Variants in PRELID2 observed in about 807,000 individuals in gnomAD.
The protein encoded by PRELID2 is PRELI domain-containing protein 2.
Under a neutral mutation model 28.4 loss-of-function variants are expected in PRELID2, and 25 were observed. The ratio of observed to expected loss-of-function variants is 0.88; its 90% CI spans 0.64 to 1.23. PRELID2 has a LOEUF of 1.23. PRELID2 is among the 50% of genes most tolerant of loss of function. PRELID2 has a pLI of 0.00. For synonymous variants in PRELID2, 76 were observed against 71.6 expected (o/e 1.06, Z -0.31); for missense variants, 201 against 214.4 (o/e 0.94, Z 0.39).
chr5:145,441,345 A>G, the PRELID2 span, among the ~76,000 whole-genome samples: 2 of 152,018 alleles, frequency 1.3e-5, no homozygotes, highest in South Asian at 2.1e-4. Flanking sequence ...CTTTCTGTCC[A>G]TCTACACAGT....
intron 4 of PRELID2, among the ~76,000 whole-genome samples, chr5:145,801,094 GTCT>G (rs768258877): frequency 6.6e-6 from 1 of 152,094 alleles, no homozygotes; most frequent in African/African-American, 2.4e-5. Context: ...ACTTGCTTTG[GTCT>G]TCTTTTTAGT....
chr5:145,231,548 T>C, the PRELID2 span, among the ~76,000 whole-genome samples: 1 of 152,198 alleles, frequency 6.6e-6, no homozygotes, highest in South Asian at 2.1e-4. Context: ...ACAGTTTGTA[T>C]AAATAAATAA....
intron 1 of PRELID2, among the ~76,000 whole-genome samples, chr5:145,527,586 A>T (rs577255832): frequency 1.7e-4 from 26 of 152,218 alleles, no homozygotes; most frequent in Non-Finnish European, 3.2e-4. Flanking sequence ...ATACATTGTC[A>T]TTATACAAAT....
the PRELID2 span, among the ~76,000 whole-genome samples, chr5:145,451,895 G>A: frequency 7.2e-5 from 11 of 152,226 alleles, no homozygotes; most frequent in East Asian, 1.2e-3. Context: ...GTAAGGGGCC[G>A]GGAGAATAAT....
At chr5:145,535,029 A>G (rs1447528036) in intron 1 of PRELID2, among the ~76,000 whole-genome samples, 1 of 151,986 alleles carries the variant, frequency 6.6e-6, no homozygotes. Flanking sequence ...GAATTTAACA[A>G]GTTCATCTCT....
the PRELID2 span, among the ~76,000 whole-genome samples, chr5:145,301,432 G>A: frequency 6.6e-6 from 1 of 152,058 alleles, no homozygotes; most frequent in Non-Finnish European, 1.5e-5. Flanking sequence ...TGTATAACAT[G>A]GATATTTTCT....
chr5:145,321,386 T>G, the PRELID2 span, among the ~76,000 whole-genome samples: 3 of 152,186 alleles, frequency 2.0e-5, no homozygotes, highest in Admixed American at 2.0e-4. Context: ...CTGATTACAC[T>G]ATAGAAACCA....
intron 1 of PRELID2, among the ~76,000 whole-genome samples, chr5:145,591,737 C>T (rs1468080921): frequency 1.3e-5 from 2 of 152,194 alleles, no homozygotes; most frequent in African/African-American, 4.8e-5. Flanking sequence ...CCAGGAAACC[C>T]ATTCTTTACC....
At chr5:145,651,502 C>A (rs749017459) in intron 1 of PRELID2, among the ~76,000 whole-genome samples, 1 of 152,176 alleles carries the variant, frequency 6.6e-6, no homozygotes, top group African/African-American at 2.4e-5. Flanking sequence ...CTGGGAGGCA[C>A]CCCCAGTAGG....
In PRELID2 at chr5:145,652,821, G is replaced by T. The variant is rs148235506; in HGVS notation, n.70+112110C>A. Reference sequence around the variant, plus strand: ...ATGCCAAAGTGTAAAGACCATCGATGCTAGAAAGAAACTGCATCAATTGAC... The same window carrying T: ...ATGCCAAAGTGTAAAGACCATCGATTCTAGAAAGAAACTGCATCAATTGAC... On this transcript the variant is annotated intron_variant and non_coding_transcript_variant, in intron 1 of 2. Transcript: ENST00000510259. 4.9e-4 allele frequency among the ~76,000 whole-genome samples: 75 copies of T among 152,272 alleles called. No homozygotes were observed. In the East Asian group the frequency reaches 0.013, roughly 27 times the overall value.
chr5:145,333,365 C>T, the PRELID2 span, among the ~76,000 whole-genome samples: 1 of 152,156 alleles, frequency 6.6e-6, no homozygotes. Context: ...TGAAGGTGTG[C>T]CCACAGCTTC....
At chr5:145,488,821 A>C (rs1048380205) in intron 1 of PRELID2, among the ~76,000 whole-genome samples, 76 of 152,124 alleles carry the variant, frequency 5.0e-4, no homozygotes, top group African/African-American at 1.8e-3. Flanking sequence ...CATTTATGAC[A>C]GTTGGTATAA....
chr5:145,485,743 C>T (rs892496553), intron 1 of PRELID2, among the ~76,000 whole-genome samples: 1 of 152,136 alleles, frequency 6.6e-6, no homozygotes, highest in African/African-American at 2.4e-5. Flanking sequence ...CCCTTTTATC[C>T]ATAAACATAA....
chr5:145,267,042 G>A, the PRELID2 span, among the ~76,000 whole-genome samples: 5 of 152,026 alleles, frequency 3.3e-5, no homozygotes, highest in African/African-American at 1.2e-4. Context: ...AGTTTATTAA[G>A]TATTAACTCA....
At chr5:145,353,928 C>T in the PRELID2 span, among the ~76,000 whole-genome samples, 2 of 152,092 alleles carry the variant, frequency 1.3e-5, no homozygotes, top group African/African-American at 4.8e-5. Flanking sequence ...TTGTCCTTAC[C>T]ATCCTTACCA....
chr5:145,596,099 CAAAAA>C (rs552746530), intron 1 of PRELID2, among the ~76,000 whole-genome samples: 5 of 43,970 alleles, frequency 1.1e-4, no homozygotes, highest in African/African-American at 4.8e-4. Flanking sequence ...GAGCCTGTCT[CAAAAA>C]AAAAAAAAAA....
chr5:145,718,508 CCAGT>C (rs1441965439), intron 1 of PRELID2, among the ~76,000 whole-genome samples: 2 of 151,610 alleles, frequency 1.3e-5, no homozygotes, highest in East Asian at 1.9e-4. Context: ...GTATAAATTC[CCAGT>C]CAAATTTCAA....
At chr5:145,316,915 T>G in the PRELID2 span, among the ~76,000 whole-genome samples, 2 of 152,232 alleles carry the variant, frequency 1.3e-5, no homozygotes, top group Non-Finnish European at 2.9e-5. Flanking sequence ...CATTTAACTC[T>G]GAAGAATTTA....
At chr5:145,340,628 T>C in the PRELID2 span, among the ~76,000 whole-genome samples, 4 of 151,826 alleles carry the variant, frequency 2.6e-5, no homozygotes, top group Non-Finnish European at 5.9e-5. Flanking sequence ...ATTAGCTGAG[T>C]GTGGTGGCAC....
Sources: gnomAD v4.1 joint callset for allele counts (sites outside exome capture counted in the v4.1 genomes callset) on GRCh38, gnomAD v4.1.1 for gene constraint, MANE v1.5 for transcripts, NCBI Gene and HGNC (gene_info 2026-07-23, HGNC 2026-07-21) for gene names.